Variants in CNTN5 observed in about 807,000 individuals in gnomAD.
CNTN5 encodes contactin 5, also known as contactin-5.
Under a neutral mutation model 129.1 loss-of-function variants are expected in CNTN5, and 77 were observed. The observed-to-expected ratio is 0.60, with a 90% CI of 0.50 to 0.72. CNTN5 has a LOEUF of 0.72. Among genes scored for constraint, CNTN5 ranks in the 30% least tolerant of loss-of-function variants. The pLI is 0.00. For synonymous variants in CNTN5, 509 were observed against 465.6 expected, an observed-to-expected ratio of 1.09 and a Z score of -1.20; for missense variants, 1,478 against 1,328.8, an observed-to-expected ratio of 1.11 and a Z score of -1.75.
chr11:99,596,154 A>G (rs117738753), intron 3 of CNTN5, among the ~76,000 whole-genome samples: 5,977 of 152,198 alleles, frequency 0.039, 151 homozygotes, highest in South Asian at 0.086. Flanking sequence ...AGTCAAGAAG[A>G]CCATTACTAA....
intron 2 of CNTN5, among the ~76,000 whole-genome samples, chr11:99,336,285 G>C (rs771643564): frequency 1.5e-4 from 23 of 152,086 alleles, no homozygotes; most frequent in Non-Finnish European, 2.1e-4. Context: ...CAACCTAAGG[G>C]TATAATTTGT....
rs777678738 is a variant in CNTN5, at chr11:100,356,204, C to T, written c.3287C>T (p.Pro1096Leu). 1 of 1,607,148 alleles carries T rather than the reference C, an allele frequency of 6.2e-7. No homozygotes were observed. The highest frequency in any genetic ancestry group is 8.5e-7 in the Non-Finnish European group (1 of 1,175,730). The change falls in exon 25 of 25, where the codon CCT (proline) becomes CTT (leucine). Residue 1096 changes from proline to leucine, a missense_variant. By Grantham distance (98) the Pro-to-Leu change is moderately conservative. Coordinates refer to ENST00000524871, the MANE Select transcript of CNTN5 (RefSeq NM_014361.4). ...SVTLLLALMI[P>L]STSW ...ACCTTGCTCTTGGCATTGATGATTC[C>T]TTCAACTTCCTGGTGAAAACTGCTG...
intron 13 of CNTN5, among the ~76,000 whole-genome samples, chr11:100,176,854 GT>G (rs1947982648): frequency 9.0e-5 from 2 of 22,146 alleles, no homozygotes; most frequent in Non-Finnish European, 1.9e-4. Context: ...ATAGTATGGT[GT>G]GTGTGTGTGT....
chr11:99,879,467 G>A (rs1293936341), intron 6 of CNTN5, among the ~76,000 whole-genome samples: 1 of 152,080 alleles, frequency 6.6e-6, no homozygotes, highest in East Asian at 1.9e-4. Flanking sequence ...TTTTGAAATT[G>A]GACAGAACAG....
At chr11:99,934,976 TA>T (rs1950282624) in intron 7 of CNTN5, among the ~76,000 whole-genome samples, 1 of 142,456 alleles carries the variant, frequency 7.0e-6, no homozygotes, top group Non-Finnish European at 1.5e-5. Context: ...TGATTAGTCC[TA>T]AAACAATACA....
intron 2 of CNTN5, among the ~76,000 whole-genome samples, chr11:99,534,611 G>C (rs770044474): frequency 3.3e-5 from 5 of 152,136 alleles, no homozygotes; most frequent in Non-Finnish European, 5.9e-5. Flanking sequence ...GGTGTATTTA[G>C]AGAATGGGGA....
chr11:99,083,706 T>C (rs1417211360), intron 1 of CNTN5, among the ~76,000 whole-genome samples: 1 of 152,176 alleles, frequency 6.6e-6, no homozygotes, highest in Admixed American at 6.5e-5. Flanking sequence ...ATATACAACA[T>C]TTTTAGTGGA....
At chr11:99,923,990 C>A (rs1950001745) in intron 7 of CNTN5, among the ~76,000 whole-genome samples, 1 of 152,190 alleles carries the variant, frequency 6.6e-6, no homozygotes, top group South Asian at 2.1e-4. Flanking sequence ...CAGGGTTTCA[C>A]CATGTTGGCC....
At chr11:99,282,492 A>C (rs1044068672) in intron 1 of CNTN5, among the ~76,000 whole-genome samples, 1 of 152,072 alleles carries the variant, frequency 6.6e-6, no homozygotes, top group Admixed American at 6.6e-5. Flanking sequence ...GCAAAAGAGT[A>C]GAGGTGAGAG....
chr11:100,242,975 C>T (rs142956241), intron 16 of CNTN5, among the ~76,000 whole-genome samples: 166 of 152,290 alleles, frequency 1.1e-3, no homozygotes, highest in Admixed American at 2.5e-3. Context: ...GCAGATACCG[C>T]GAAATAAAAG....
intron 3 of CNTN5, among the ~76,000 whole-genome samples, chr11:99,656,326 G>T (rs1223630936): frequency 1.3e-5 from 2 of 152,042 alleles, no homozygotes; most frequent in South Asian, 2.1e-4. Context: ...CAAAGAGATA[G>T]CTAGACCTTT....
At chr11:99,527,415 C>T (rs1351453313) in intron 2 of CNTN5, among the ~76,000 whole-genome samples, 3 of 152,044 alleles carry the variant, frequency 2.0e-5, no homozygotes, top group African/African-American at 7.2e-5. Flanking sequence ...CAGTCAGAGA[C>T]ACCAAGTCTT....
chr11:99,148,835 T>C lies in CNTN5; in HGVS notation c.-210+127565T>C, dbSNP rs916600310. Among the ~76,000 whole-genome samples, 4 of 152,232 alleles carry C rather than the reference T, an allele frequency of 2.6e-5. No homozygotes were observed. In the South Asian group the frequency reaches 8.3e-4, roughly 32 times the overall value. On this transcript the variant is annotated intron_variant, in intron 1 of 24. Transcript: ENST00000524871. Reference sequence around the variant, plus strand: ...GGAAAATGAATGGAGCACAAGATTATTAAAATAATGTAATGCTATGTATAT... The same window carrying C: ...GGAAAATGAATGGAGCACAAGATTACTAAAATAATGTAATGCTATGTATAT...
chr11:99,705,537 T>C (rs940843176), intron 3 of CNTN5, among the ~76,000 whole-genome samples: 3 of 151,440 alleles, frequency 2.0e-5, no homozygotes, highest in Non-Finnish European at 4.4e-5. Flanking sequence ...AGAATCCTGA[T>C]TCACTTAAGC....
intron 2 of CNTN5, among the ~76,000 whole-genome samples, chr11:99,404,502 T>TG (rs1941984229): frequency 8.6e-5 from 1 of 11,588 alleles, no homozygotes; most frequent in African/African-American, 2.2e-3. Context: ...TTGCTTTTTA[T>TG]TTTTTTCTGT....
At chr11:99,127,118 A>G (rs1858676630) in intron 1 of CNTN5, among the ~76,000 whole-genome samples, 1 of 152,178 alleles carries the variant, frequency 6.6e-6, no homozygotes, top group Non-Finnish European at 1.5e-5. Flanking sequence ...TTTTTATATG[A>G]AGCACCCCCA....
intron 6 of CNTN5, among the ~76,000 whole-genome samples, chr11:99,875,629 C>T (rs1948613374): frequency 6.6e-6 from 1 of 152,116 alleles, no homozygotes; most frequent in Non-Finnish European, 1.5e-5. Flanking sequence ...TCCCTAATCT[C>T]TCATATTATT....
chr11:99,585,038 C>T (rs558852689), intron 3 of CNTN5, among the ~76,000 whole-genome samples: 42 of 152,336 alleles, frequency 2.8e-4, no homozygotes, highest in Non-Finnish European at 5.6e-4. Context: ...TTCTTAGAGA[C>T]TTACCTGATT....
At chr11:99,048,736 A>G (rs2135166208) in intron 1 of CNTN5, among the ~76,000 whole-genome samples, 2 of 152,272 alleles carry the variant, frequency 1.3e-5, no homozygotes, top group Middle Eastern at 3.4e-3. Context: ...GAAATTCTGT[A>G]TTGTTTAGAC....
Sources: allele counts gnomAD v4.1 joint callset (sites outside exome capture counted in the v4.1 genomes callset), GRCh38; gene constraint gnomAD v4.1.1; transcripts MANE v1.5; gene names NCBI Gene and HGNC (gene_info 2026-07-23, HGNC 2026-07-21).